Variants in IGSF21 observed in about 807,000 individuals in gnomAD.
The protein encoded by IGSF21 is immunoglobin superfamily member 21.
IGSF21 carries 28 observed loss-of-function variants against 46.8 expected under a neutral mutation model. The ratio of observed to expected loss-of-function variants is 0.60; its 90% confidence interval spans 0.44 to 0.82. The LOEUF is 0.82. Ranked by LOEUF, IGSF21 falls within the 40% of genes least tolerant of loss-of-function variation. The probability of loss-of-function intolerance (pLI) is 0.00; values close to 1 mark genes in which losing one functional copy is unlikely to be tolerated. For synonymous variants in IGSF21, 284 were observed against 273.6 expected, an observed-to-expected ratio of 1.04 and a Z score of -0.38; for missense variants, 624 against 665.5, an observed-to-expected ratio of 0.94 and a Z score of 0.69.
chr1:18,237,178 G>A (rs755762725), intron 2 of IGSF21, among the ~76,000 whole-genome samples: 3 of 152,146 alleles, frequency 2.0e-5, no homozygotes, highest in Non-Finnish European at 4.4e-5. Flanking sequence ...TGTGAAAGTG[G>A]CAGCCGAGAG....
At chr1:18,214,720 C>T (rs904644372) in intron 1 of IGSF21, among the ~76,000 whole-genome samples, 7 of 152,002 alleles carry the variant, frequency 4.6e-5, no homozygotes, top group African/African-American at 1.2e-4. Flanking sequence ...GAAAGTTCCA[C>T]AATTTTTTGT....
chr1:18,262,577 C>T lies in IGSF21; in HGVS notation c.184-29289C>T, dbSNP rs145558357. ...AGTGTCTGGCACATAGTAGATGCAC[C>T]GTAAATGTTTATTGCATCTGTAGCA... On this transcript the variant is annotated intron_variant, in intron 2 of 9. Transcript: ENST00000251296. 9.9e-4 allele frequency among the ~76,000 whole-genome samples: 150 copies of T among 152,212 alleles called. 1 individual carries two copies. Among genetic ancestry groups the T allele is most frequent in the Middle Eastern group, 3.4e-3 (1 of 294 alleles).
intron 9 of IGSF21, 121 bp downstream of exon 9, chr1:18,377,552 G>T (rs1205607256): frequency 8.5e-6 from 7 of 826,248 alleles, no homozygotes; most frequent in Non-Finnish European, 1.3e-5. Context: ...CCTCAGGCAG[G>T]TCATTGCCCT....
chr1:18,193,363 G>A (rs1178154988), intron 1 of IGSF21, among the ~76,000 whole-genome samples: 2 of 152,166 alleles, frequency 1.3e-5, no homozygotes, highest in African/African-American at 4.8e-5. Context: ...ATCTGTATTA[G>A]CCAGGGTTCT....
intron 4 of IGSF21, among the ~76,000 whole-genome samples, chr1:18,348,617 A>G (rs916826156): frequency 3.3e-5 from 5 of 152,216 alleles, no homozygotes; most frequent in Non-Finnish European, 2.9e-5. Flanking sequence ...TTTAAGGGGC[A>G]GGCAGGAAGT....
chr1:18,142,047 GC>G (rs556221762), intron 1 of IGSF21, among the ~76,000 whole-genome samples: 32 of 152,272 alleles, frequency 2.1e-4, no homozygotes, highest in African/African-American at 7.5e-4. Context: ...TCCAGCCTGG[GC>G]AACAGAGTGA....
intron 2 of IGSF21, among the ~76,000 whole-genome samples, chr1:18,265,144 T>C (rs1468045754): frequency 6.6e-6 from 1 of 152,232 alleles, no homozygotes; most frequent in Admixed American, 6.5e-5. Context: ...TGAAATGACT[T>C]GGTGGCAAAA....
intron 3 of IGSF21, among the ~76,000 whole-genome samples, chr1:18,295,808 C>T (rs1188913135): frequency 1.3e-5 from 2 of 152,206 alleles, no homozygotes; most frequent in African/African-American, 4.8e-5. Flanking sequence ...GACGCCACCC[C>T]GGGAGCAGCC....
chr1:18,370,332 C>T (rs544251827), intron 6 of IGSF21, among the ~76,000 whole-genome samples: 5 of 152,252 alleles, frequency 3.3e-5, no homozygotes, highest in African/African-American at 9.6e-5. Flanking sequence ...TTGCCAAAGA[C>T]CCCCAAGGCG....
At chr1:18,141,401 A>G (rs2086414169) in intron 1 of IGSF21, among the ~76,000 whole-genome samples, 2 of 152,232 alleles carry the variant, frequency 1.3e-5, no homozygotes, top group South Asian at 4.1e-4. Context: ...GCAGTCAGAC[A>G]AAAGAAGGAA....
intron 3 of IGSF21, among the ~76,000 whole-genome samples, chr1:18,319,727 G>T (rs1156379334): frequency 1.3e-5 from 2 of 152,142 alleles, no homozygotes; most frequent in South Asian, 2.1e-4. Context: ...TCTCCCCTTT[G>T]TCAGGACTTT....
chr1:18,336,977 A>G (rs867698227), intron 4 of IGSF21, among the ~76,000 whole-genome samples: 79 of 152,222 alleles, frequency 5.2e-4, no homozygotes, highest in African/African-American at 1.8e-3. Flanking sequence ...GAAATAGCAC[A>G]GGAAAGACCG....
intron 1 of IGSF21, 96 bp downstream of exon 1, chr1:18,108,294 C>T (rs1285522731): frequency 3.3e-6 from 4 of 1,199,318 alleles, no homozygotes; most frequent in Non-Finnish European, 3.2e-6. Context: ...CCGAGAGGCT[C>T]GGGCTACGAG....
intron 3 of IGSF21, among the ~76,000 whole-genome samples, chr1:18,308,461 A>C (rs2124582583): frequency 6.6e-6 from 1 of 152,290 alleles, no homozygotes; most frequent in East Asian, 1.9e-4. Context: ...ACACACACAA[A>C]GAGTTTAGGT....
At chr1:18,293,548 T>G (rs2085287069) in intron 3 of IGSF21, among the ~76,000 whole-genome samples, 1 of 152,168 alleles carries the variant, frequency 6.6e-6, no homozygotes, top group Non-Finnish European at 1.5e-5. Context: ...TTCATCCCCC[T>G]AGTTATGATT....
intron 1 of IGSF21, among the ~76,000 whole-genome samples, chr1:18,126,817 C>T (rs919613014): frequency 6.6e-6 from 1 of 152,174 alleles, no homozygotes; most frequent in Non-Finnish European, 1.5e-5. Context: ...CCCACACCCC[C>T]TCCAGAGCCG....
intron 1 of IGSF21, among the ~76,000 whole-genome samples, chr1:18,153,893 C>G (rs577467921): frequency 6.6e-6 from 1 of 152,324 alleles, no homozygotes; most frequent in East Asian, 1.9e-4. Flanking sequence ...ACTGGAACCC[C>G]TCATGCAGCC....
chr1:18,341,069 T>C (rs1318329227), intron 4 of IGSF21, among the ~76,000 whole-genome samples: 15 of 64,656 alleles, frequency 2.3e-4, no homozygotes, highest in African/African-American at 4.2e-4. Context: ...CTTCTTCTTC[T>C]TCTTCTTCTC....
intron 3 of IGSF21, among the ~76,000 whole-genome samples, chr1:18,300,868 C>T (rs1483354460): frequency 6.6e-6 from 1 of 152,160 alleles, no homozygotes; most frequent in East Asian, 1.9e-4. Context: ...ACGCTCCGCT[C>T]AGACTGCAGG....
Sources: gnomAD v4.1 joint callset for allele counts (sites outside exome capture counted in the v4.1 genomes callset) on GRCh38, gnomAD v4.1.1 for gene constraint, MANE v1.5 for transcripts, NCBI Gene and HGNC (gene_info 2026-07-23, HGNC 2026-07-21) for gene names.